The following MLIP variants were observed in gnomAD, a reference collection of about 807,000 sequenced individuals.
The protein encoded by MLIP is muscular LMNA-interacting protein.
In MLIP, 79 loss-of-function variants were observed where a neutral mutation model predicts 84.8. That is an observed-to-expected ratio of 0.93 (90% CI 0.78 to 1.12). The LOEUF (loss-of-function observed/expected upper bound fraction) is 1.12. Ranked by LOEUF, MLIP falls within the 50% of genes most tolerant of loss-of-function variation. MLIP has a pLI of 0.00. For missense variants in MLIP, 1,257 were observed against 1,160.6 expected (o/e 1.08, Z -1.21); for synonymous variants, 504 against 463.0 (o/e 1.09, Z -1.14).
chr6:54,028,247 C>T (rs1763931079), intron 1 of MLIP, among the ~76,000 whole-genome samples: 1 of 152,040 alleles, frequency 6.6e-6, no homozygotes, highest in African/African-American at 2.4e-5. Flanking sequence ...TGGGTATTTT[C>T]TTGCATGGGT....
At chr6:54,113,256 G>A (rs940949051) in intron 1 of MLIP, among the ~76,000 whole-genome samples, 14 of 152,074 alleles carry the variant, frequency 9.2e-5, no homozygotes, top group Admixed American at 6.5e-4. Context: ...TACTCCTAAA[G>A]GATTATCTTT....
chr6:54,033,673 C>T lies in MLIP; in HGVS notation c.63+14582C>T, dbSNP rs952698693. Among the ~76,000 whole-genome samples the T allele has an allele frequency of 2.6e-5, 4 of 152,104 alleles. No homozygotes were observed. The East Asian group carries it at 7.7e-4, about 29-fold the overall frequency. ...ACTCTCCTAACCCTCACCTATATCC[C>T]TCTCATGACAGGCCCAGAACCTCAG... On this transcript the variant is annotated intron_variant, in intron 1 of 12. Transcript: ENST00000274897.
chr6:54,124,620 G>C lies in MLIP; in HGVS notation c.400G>C (p.Asp134His). The C allele has an allele frequency of 6.2e-7, 1 of 1,614,164 alleles. No individual in the cohort carries two copies. ...CAAACTTCAAGGGATGCAGCAAAGT[G>C]ACCTCTTCAAAGCTGAATATGTCCT... Reference protein sequence around the residue: ...ANKLQGMQQSDLFKAEYVLIV... With the variant: ...ANKLQGMQQSHLFKAEYVLIV... The change falls in exon 3 of 14, where the codon GAC (aspartate) becomes CAC (histidine). Residue 134 changes from aspartate (D) to histidine (H), a missense_variant. Asp to His is a moderately conservative substitution (Grantham distance 81, BLOSUM62 -1). Transcript: ENST00000502396.
chr6:54,128,185 C>A (rs1479636668), intron 3 of MLIP, among the ~76,000 whole-genome samples: 1 of 152,100 alleles, frequency 6.6e-6, no homozygotes, highest in Admixed American at 6.5e-5. Flanking sequence ...AGAGATTAGA[C>A]ATCTGATGTT....
At chr6:54,144,397 C>T (rs1421004586) in intron 4 of MLIP, among the ~76,000 whole-genome samples, 1 of 152,290 alleles carries the variant, frequency 6.6e-6, no homozygotes, top group Admixed American at 6.5e-5. Context: ...CTTGCATTTA[C>T]TGCACCGGTC....
At chr6:54,121,724 C>T in intron 2 of MLIP, 122 bp downstream of exon 2, 2 of 725,102 alleles carry the variant, frequency 2.8e-6, no homozygotes, top group Non-Finnish European at 2.2e-6. Flanking sequence ...CTAAGTTTGA[C>T]TAAAAATATA....
At chr6:54,048,996 G>C (rs1211082000) in intron 1 of MLIP, among the ~76,000 whole-genome samples, 1 of 152,082 alleles carries the variant, frequency 6.6e-6, no homozygotes. Context: ...TGATGTCCTG[G>C]GTCATCTGGC....
At chr6:54,112,719 T>G (rs1316240819) in intron 1 of MLIP, among the ~76,000 whole-genome samples, 3 of 152,194 alleles carry the variant, frequency 2.0e-5, no homozygotes, top group Non-Finnish European at 4.4e-5. Context: ...AGGATATGGA[T>G]GTTTCTTTAG....
chr6:54,077,906 C>T (rs926511610), intron 1 of MLIP, among the ~76,000 whole-genome samples: 1 of 152,032 alleles, frequency 6.6e-6, no homozygotes, highest in Non-Finnish European at 1.5e-5. Flanking sequence ...AGCATTTTTT[C>T]GTGGATGAGA....
In MLIP at chr6:54,259,036, C is replaced by T. The variant is rs1453550528; in HGVS notation, c.2976+1675C>T. 5.3e-5 allele frequency among the ~76,000 whole-genome samples: 8 copies of T among 151,688 alleles called. 1 individual carries two copies. Among genetic ancestry groups the T allele is most frequent in the Admixed American group, 5.3e-4 (8 of 15,186 alleles). Reference sequence around the variant, plus strand: ...TTTAAAATCACGTTTAAAATACTTGCCAAATTAAAAGGGAAAGTTACTTTT... The same window carrying T: ...TTTAAAATCACGTTTAAAATACTTGTCAAATTAAAAGGGAAAGTTACTTTT... On this transcript the variant is annotated intron_variant, in intron 13 of 13. Transcript: ENST00000502396.
At chr6:54,180,835 G>A (rs1776780987) in intron 9 of MLIP, among the ~76,000 whole-genome samples, 1 of 152,022 alleles carries the variant, frequency 6.6e-6, no homozygotes, top group Non-Finnish European at 1.5e-5. Context: ...TCCATGATTG[G>A]TTTCTGGTGC....
In MLIP at chr6:54,213,857, T is replaced by C. The variant is rs2150750632; in HGVS notation, c.2718+11624T>C. Among the ~76,000 whole-genome samples the C allele has an allele frequency of 2.0e-5, 3 of 152,226 alleles. No individual in the cohort carries two copies. The South Asian group carries it at 6.2e-4, about 32-fold the overall frequency. ...CAATAAAGTTGTAATTAGCTGATGTTTGTATGCATTGTATCTCCACTTGAA... is the reference window on the plus strand; with the variant it reads ...CAATAAAGTTGTAATTAGCTGATGTCTGTATGCATTGTATCTCCACTTGAA... On this transcript the variant is annotated intron_variant, in intron 11 of 13. Coordinates refer to ENST00000502396, the MANE Select transcript of MLIP (RefSeq NM_001281747.2).
At chr6:54,218,704 T>C (rs532530113) in intron 11 of MLIP, among the ~76,000 whole-genome samples, 46 of 151,982 alleles carry the variant, frequency 3.0e-4, no homozygotes, top group Non-Finnish European at 6.0e-4. Flanking sequence ...TTAGTAGAGA[T>C]GGGATTTTGC....
At chr6:54,063,409 T>C (rs1031876319) in intron 1 of MLIP, 1 of 152,000 alleles carries the variant, frequency 6.6e-6, no homozygotes, top group Non-Finnish European at 1.5e-5. Context: ...GCTGAAAAAA[T>C]TCCATTTTAA....
At chr6:54,131,954 G>A (rs1166799551) in intron 3 of MLIP, among the ~76,000 whole-genome samples, 1 of 152,156 alleles carries the variant, frequency 6.6e-6, no homozygotes, top group African/African-American at 2.4e-5. Context: ...CTGGTTAGCT[G>A]TCTGGTGGCT....
chr6:54,099,857 A>C (rs1385675041), intron 1 of MLIP, among the ~76,000 whole-genome samples: 6 of 152,170 alleles, frequency 3.9e-5, no homozygotes, highest in African/African-American at 1.2e-4. Flanking sequence ...ATACAGCTTC[A>C]TTTTATGAAG....
At chr6:54,261,937 G>A (rs1783418628) in intron 13 of MLIP, among the ~76,000 whole-genome samples, 3 of 151,998 alleles carry the variant, frequency 2.0e-5, no homozygotes, top group African/African-American at 7.2e-5. Context: ...ATTATTACCT[G>A]TTGATTAAAA....
chr6:54,095,180 G>T (rs1006730679), intron 1 of MLIP, among the ~76,000 whole-genome samples: 1 of 152,138 alleles, frequency 6.6e-6, no homozygotes, highest in Non-Finnish European at 1.5e-5. Context: ...GCGGTGGGTA[G>T]ACAGAGATAT....
chr6:54,249,280 C>A (rs1198588427), intron 12 of MLIP, among the ~76,000 whole-genome samples: 1 of 151,940 alleles, frequency 6.6e-6, no homozygotes, highest in Admixed American at 6.6e-5. Flanking sequence ...GTGATTTTCC[C>A]CAGGTCACAA....
Sources: gnomAD v4.1 joint callset for allele counts (sites outside exome capture counted in the v4.1 genomes callset) on GRCh38, gnomAD v4.1.1 for gene constraint, MANE v1.5 for transcripts, NCBI Gene and HGNC (gene_info 2026-07-23, HGNC 2026-07-21) for gene names.